The following KANK1 variants were observed in gnomAD, a reference collection of about 807,000 sequenced individuals.
KANK1 encodes KN motif and ankyrin repeat domain-containing protein 1.
KANK1 carries 109 observed loss-of-function variants against 106.2 expected under a neutral mutation model. The ratio of observed to expected loss-of-function variants is 1.03; its 90% CI spans 0.88 to 1.20. The LOEUF (loss-of-function observed/expected upper bound fraction) is 1.20, where lower values mean the gene tolerates loss of function less well. Among genes scored for constraint, KANK1 ranks in the 50% most tolerant of loss-of-function variants. KANK1 has a pLI of 0.00. For missense variants in KANK1, 2,399 were observed against 1,710.7 expected (o/e 1.40, Z -7.10); for synonymous variants, 873 against 652.2 (o/e 1.34, Z -5.16).
intron 1 of KANK1, among the ~76,000 whole-genome samples, chr9:602,597 A>G (rs1828042759): frequency 6.6e-6 from 1 of 150,972 alleles, no homozygotes; most frequent in South Asian, 2.1e-4. Flanking sequence ...TTGGTTAGTT[A>G]TAGAGGTAAA....
At chr9:603,391 C>G (rs1417816462) in intron 1 of KANK1, among the ~76,000 whole-genome samples, 1 of 151,754 alleles carries the variant, frequency 6.6e-6, no homozygotes, top group East Asian at 1.9e-4. Context: ...GATAGCTAAT[C>G]ATAGTATGAT....
intron 1 of KANK1, among the ~76,000 whole-genome samples, chr9:552,874 G>A (rs1406258978): frequency 2.6e-5 from 4 of 152,232 alleles, no homozygotes; most frequent in East Asian, 1.9e-4. Flanking sequence ...GCTGGCCGCA[G>A]TGGCTCACGC....
chr9:543,697 C>G (rs2060753584), intron 1 of KANK1, among the ~76,000 whole-genome samples: 1 of 152,172 alleles, frequency 6.6e-6, no homozygotes, highest in Non-Finnish European at 1.5e-5. Context: ...GTGCATTATG[C>G]TGTCAGTGCA....
intron 1 of KANK1, among the ~76,000 whole-genome samples, chr9:611,433 A>G (rs1002107194): frequency 4.6e-5 from 7 of 152,174 alleles, no homozygotes; most frequent in African/African-American, 1.7e-4. Context: ...AACTTGGAAT[A>G]AAAACCTTAA....
At chr9:652,278 T>C (rs1336356445) in intron 1 of KANK1, among the ~76,000 whole-genome samples, 2 of 152,140 alleles carry the variant, frequency 1.3e-5, no homozygotes, top group African/African-American at 4.8e-5. Context: ...CCCAGCACTT[T>C]GGGAGGCTAA....
intron 6 of KANK1, 70 bp from the exon 7 acceptor site, chr9:734,678 A>G: frequency 8.6e-7 from 1 of 1,167,596 alleles, no homozygotes; most frequent in South Asian, 1.3e-5. Context: ...AAAAAAAATT[A>G]GATATTTGGG....
Position 606,695 on chromosome 9 carries a change from T to C in KANK1, c.-83-70195T>C, listed in dbSNP as rs139940333. The stretch of plus-strand genomic sequence containing the variant: ...GATGCAGTATGTCAGTGCTTTCTTA[T>C]GACAGTTGCAGCTACAAAGGAAGAT... On this transcript the variant is annotated intron_variant, in intron 1 of 11. Transcript: ENST00000382297. 1.3e-3 allele frequency among the ~76,000 whole-genome samples: 190 copies of C among 151,462 alleles called. 9 individuals carry two copies. The highest frequency in any genetic ancestry group is 4.2e-3 in the African/African-American group (173 of 40,988).
Position 711,098 on chromosome 9 carries a change from G to A in KANK1, c.332G>A (p.Ser111Asn). Residue 111 changes from serine (S) to asparagine (N), a missense_variant, in exon 3 of 12, where the codon AGT becomes AAT. Physicochemically the swap from Ser to Asn is conservative, Grantham distance 46. Transcript: ENST00000382297. The part of the protein sequence containing the change: ...KQCPNFLIAR[S>N]QVTSTPISKP... ...TGCCCCAACTTCCTCATAGCCAGAA[G>A]TCAAGTTACATCAACTCCAATCTCA... 6.2e-7 allele frequency: 1 copy of A among 1,614,136 alleles called. No homozygotes were observed. The highest frequency in any genetic ancestry group is 8.5e-7 in the Non-Finnish European group (1 of 1,180,024).
chr9:620,555 A>C (rs1832911886), intron 1 of KANK1, among the ~76,000 whole-genome samples: 1 of 151,876 alleles, frequency 6.6e-6, no homozygotes, highest in South Asian at 2.1e-4. Context: ...GGCGCCTGCC[A>C]CCACACCCGG....
intron 1 of KANK1, among the ~76,000 whole-genome samples, chr9:544,703 C>G (rs148226755): frequency 1.3e-3 from 201 of 151,464 alleles, no homozygotes; most frequent in African/African-American, 4.8e-3. Flanking sequence ...GAAGCTGAAA[C>G]CTGTTGGGTG....
At chr9:500,150 A>G (rs2058526089), upstream of KANK1, among the ~76,000 whole-genome samples, 1 of 152,246 alleles carries the variant, frequency 6.6e-6, no homozygotes, top group East Asian at 1.9e-4. Flanking sequence ...AATGGTCAAC[A>G]TGCTAGAGTA....
intron 1 of KANK1, among the ~76,000 whole-genome samples, chr9:577,406 GAC>G (rs1484326564): frequency 2.6e-5 from 4 of 152,032 alleles, no homozygotes; most frequent in African/African-American, 4.8e-5. Flanking sequence ...CAAACCTTTA[GAC>G]ACAGAGCGCT....
At chr9:472,097 A>C (rs774889407) in intron 2 of KANK1, among the ~76,000 whole-genome samples, 6 of 152,216 alleles carry the variant, frequency 3.9e-5, no homozygotes. Context: ...TTGGTGCTTC[A>C]TAAATGGCTG....
chr9:730,268 G>A lies in KANK1; in HGVS notation c.2896+20G>A. 6.2e-7 allele frequency: 1 copy of A among 1,612,312 alleles called. No individual in the cohort carries two copies. On this transcript the variant is annotated intron_variant, in intron 4 of 11. Transcript: ENST00000382297. ...TCTATGGTAACTTTTCTCACTCACA[G>A]TCATTGGCATCAGGATTCTAGGGCC...
rs558236254 is a variant in KANK1, at chr9:479,697, G to A, written c.-362+6424G>A. On this transcript the variant is annotated intron_variant, in intron 3 of 15. Transcript: ENST00000382303. ...TTTGATTTTTGTGAGGACTACAGCT[G>A]AAGGAGAAGAGAAACATGCAAATGG... is the stretch of plus-strand genomic sequence containing the variant. 7.9e-5 allele frequency among the ~76,000 whole-genome samples: 12 copies of A among 152,336 alleles called. No homozygotes were observed. The East Asian group carries it at 1.5e-3, about 20-fold the overall frequency.
chr9:470,928 C>G (rs2058007697), intron 2 of KANK1: 1 of 152,250 alleles, frequency 6.6e-6, no homozygotes. Flanking sequence ...TCAGGACATT[C>G]TTATCCAAGT....
intron 7 of KANK1, among the ~76,000 whole-genome samples, chr9:737,977 C>T (rs1031211783): frequency 2.0e-5 from 3 of 152,122 alleles, no homozygotes; most frequent in Non-Finnish European, 4.4e-5. Flanking sequence ...AATAACTTCC[C>T]TCGGGTCATA....
chr9:684,407 A>G (rs2139190830), intron 2 of KANK1: 1 of 985,430 alleles, frequency 1.0e-6, no homozygotes, highest in South Asian at 4.7e-5. Flanking sequence ...GAAAGAAAGA[A>G]AAAAACACAT....
At chr9:681,080 A>T (rs1326218074) in intron 2 of KANK1, 1 of 152,268 alleles carries the variant, frequency 6.6e-6, no homozygotes, top group Admixed American at 6.6e-5. Flanking sequence ...TTAGCCAGGC[A>T]TAGTGGTATG....
Sources: allele counts gnomAD v4.1 joint callset (sites outside exome capture counted in the v4.1 genomes callset), GRCh38; gene constraint gnomAD v4.1.1; transcripts MANE v1.5; gene names NCBI Gene and HGNC (gene_info 2026-07-23, HGNC 2026-07-21).